The following SCAF4 variants were observed in gnomAD, a reference collection of about 807,000 sequenced individuals.
SCAF4 encodes the protein SR-related and CTD-associated factor 4.
In SCAF4, 25 loss-of-function variants were observed where a neutral mutation model predicts 129.8. That is an observed-to-expected ratio of 0.19 (90% CI 0.14 to 0.27). SCAF4 has a LOEUF of 0.27. Ranked by LOEUF, SCAF4 falls within the 10% of genes least tolerant of loss-of-function variation. The pLI is 1.00. For synonymous variants in SCAF4, 551 were observed against 497.7 expected, an observed-to-expected ratio of 1.11 and a Z score of -1.43; for missense variants, 1,246 against 1,457.1, an observed-to-expected ratio of 0.86 and a Z score of 2.36.
chr21:31,696,137 T>C lies in SCAF4; in HGVS notation c.1044A>G (p.Ile348Met). The change falls in exon 9 of 20, where the codon ATA becomes ATG. Residue 348 changes from isoleucine to methionine, a missense_variant. By Grantham distance (10) the Ile-to-Met change is conservative. Around this residue, in one of 6 missense-constraint regions of SCAF4, gnomAD observed 236 missense variants for 210.0 expected, o/e 1.12. Coordinates refer to ENST00000286835, the MANE Select transcript of SCAF4 (RefSeq NM_020706.2). ...MDQFQPRMMG[I>M]QQDPMHHQVP... ...CCTGATGGTGCATTGGATCCTGTTG[T>C]ATTCCCATCATTCGTGGCTGAAACT... 6.2e-7 allele frequency: 1 copy of C among 1,613,246 alleles called. No homozygotes were observed. Among genetic ancestry groups the C allele is most frequent in the East Asian group, 2.2e-5 (1 of 44,856 alleles).
chr21:31,698,458 A>C (rs1029853096), intron 7 of SCAF4, among the ~76,000 whole-genome samples: 1 of 152,214 alleles, frequency 6.6e-6, no homozygotes, highest in African/African-American at 2.4e-5. Context: ...TGACATAGAA[A>C]TGTACAGAGT....
At chr21:31,681,509 T>TA (rs1289962210) in intron 19 of SCAF4, among the ~76,000 whole-genome samples, 1 of 152,168 alleles carries the variant, frequency 6.6e-6, no homozygotes, top group African/African-American at 2.4e-5. Context: ...CACAAACACT[T>TA]ATACAGTAAA....
chr21:31,693,896 C>G (rs1054048227), intron 11 of SCAF4, among the ~76,000 whole-genome samples: 4 of 152,128 alleles, frequency 2.6e-5, no homozygotes, highest in Admixed American at 2.6e-4. Context: ...GCTGATAAAG[C>G]TGTAATGGAA....
chr21:31,685,942 C>T (rs963399623), intron 16 of SCAF4, among the ~76,000 whole-genome samples: 1 of 152,124 alleles, frequency 6.6e-6, no homozygotes, highest in Non-Finnish European at 1.5e-5. Flanking sequence ...GTGGCTCACA[C>T]CTGTAATCCC....
intron 19 of SCAF4, among the ~76,000 whole-genome samples, chr21:31,676,196 C>T (rs1425638777): frequency 6.6e-6 from 1 of 152,132 alleles, no homozygotes; most frequent in East Asian, 1.9e-4. Context: ...GTCAACAACC[C>T]TATCTTCCAT....
chr21:31,719,307 CAAAAAACAA>C, intron 1 of SCAF4, among the ~76,000 whole-genome samples: 1 of 151,574 alleles, frequency 6.6e-6, no homozygotes, highest in South Asian at 2.1e-4. Context: ...AAACAAAAAA[CAAAAAACAA>C]AAAAAACACA....
intron 1 of SCAF4, among the ~76,000 whole-genome samples, chr21:31,731,216 C>G (rs1375797970): frequency 6.6e-6 from 1 of 152,106 alleles, no homozygotes; most frequent in Non-Finnish European, 1.5e-5. Context: ...CTCCGCCAGC[C>G]CCACGACCGG....
intron 19 of SCAF4, among the ~76,000 whole-genome samples, chr21:31,678,924 G>A (rs1048308847): frequency 6.6e-6 from 1 of 152,076 alleles, no homozygotes; most frequent in Non-Finnish European, 1.5e-5. Context: ...TGTTCATTCT[G>A]GTATTTCTAG....
chr21:31,731,715 C>A lies in SCAF4; in HGVS notation c.-23G>T, dbSNP rs1026278818. 2 of 1,573,998 alleles carry A rather than the reference C, an allele frequency of 1.3e-6. No homozygotes were observed. Among genetic ancestry groups the A allele is most frequent in the African/African-American group, 2.8e-5 (2 of 71,188 alleles). Reference sequence around the variant, plus strand: ...CATGTTCGCGCTGCGGCGGCGGCTGCTCCGGGCCCGCCGGTCACATAGACC... The same window carrying A: ...CATGTTCGCGCTGCGGCGGCGGCTGATCCGGGCCCGCCGGTCACATAGACC... On this transcript the variant is annotated 5_prime_UTR_variant, in exon 1 of 20. Coordinates refer to ENST00000286835, the MANE Select transcript of SCAF4 (RefSeq NM_020706.2).
At chr21:31,680,262 T>A (rs889469686) in intron 19 of SCAF4, among the ~76,000 whole-genome samples, 5 of 152,218 alleles carry the variant, frequency 3.3e-5, no homozygotes, top group Non-Finnish European at 7.3e-5. Context: ...CATGTTTCAT[T>A]TGAAGTGCTT....
chr21:31,692,919 C>CAT (rs2050293926), intron 12 of SCAF4, among the ~76,000 whole-genome samples: 1 of 152,204 alleles, frequency 6.6e-6, no homozygotes, highest in South Asian at 2.1e-4. Flanking sequence ...AGAAATCTTA[C>CAT]ATATGCCCTA....
intron 15 of SCAF4, among the ~76,000 whole-genome samples, chr21:31,690,493 A>T (rs1259639345): frequency 6.6e-6 from 1 of 152,028 alleles, no homozygotes; most frequent in Non-Finnish European, 1.5e-5. Context: ...AAAATAAATA[A>T]AAAAAAACAT....
chr21:31,731,771 C>T lies in SCAF4; in HGVS notation c.-79G>A. ...CCGCGGCGGAGCGGGGCTGGGAAAC[C>T]AGCCGGGCCTGGTGGCCGGGGGGAG... On this transcript the variant is annotated 5_prime_UTR_variant, in exon 1 of 20. Transcript: ENST00000286835. The T allele has an allele frequency of 2.0e-6, 3 of 1,484,444 alleles. No individual in the cohort carries two copies. Among genetic ancestry groups the T allele is most frequent in the Non-Finnish European group, 2.7e-6 (3 of 1,120,570 alleles). The allele number at this position is 1,484,444 out of a possible 1,614,324, so 92.0% of individuals were successfully genotyped here. A position where few individuals can be genotyped will look rare whatever the true frequency, so the allele number is the denominator to read the frequency against.
chr21:31,687,526 C>A (rs2050154636), intron 16 of SCAF4, among the ~76,000 whole-genome samples: 1 of 152,064 alleles, frequency 6.6e-6, no homozygotes, highest in Non-Finnish European at 1.5e-5. Context: ...GGTTGGCTGA[C>A]TAGACAGCAA....
chr21:31,715,359 G>A (rs1005674182), intron 1 of SCAF4, among the ~76,000 whole-genome samples: 9 of 151,814 alleles, frequency 5.9e-5, no homozygotes, highest in African/African-American at 1.9e-4. Flanking sequence ...TAATTAACCC[G>A]TCTCAACATT....
chr21:31,685,902 G>A (rs1401674503), intron 16 of SCAF4, among the ~76,000 whole-genome samples, 169 bp from the exon 17 acceptor site: 1 of 152,114 alleles, frequency 6.6e-6, no homozygotes, highest in Non-Finnish European at 1.5e-5. Flanking sequence ...CATACCAACT[G>A]ATAGAAATCA....
intron 1 of SCAF4, among the ~76,000 whole-genome samples, chr21:31,726,904 T>C (rs1477975696): frequency 6.6e-6 from 1 of 152,210 alleles, no homozygotes; most frequent in Non-Finnish European, 1.5e-5. Flanking sequence ...ATATTGTTTA[T>C]GGACCACAGA....
chr21:31,713,761 G>GT (rs1476455341), intron 1 of SCAF4, among the ~76,000 whole-genome samples: 1 of 146,978 alleles, frequency 6.8e-6, no homozygotes, highest in Non-Finnish European at 1.5e-5. Context: ...TGGGGTGGGG[G>GT]GGGCAGGGAA....
At position 31,671,228 on chromosome 21, in the gene SCAF4, G is replaced by T; in HGVS notation, c.*171C>A. On this transcript the variant is annotated 3_prime_UTR_variant, in exon 20 of 20. Coordinates refer to ENST00000286835, the MANE Select transcript of SCAF4 (RefSeq NM_020706.2). ...TTTATTCATATTTTCAGTATTTTTTGTTATTTTGTGGCTATTTTTAAATAG... is the reference window on the plus strand; with the variant it reads ...TTTATTCATATTTTCAGTATTTTTTTTTATTTTGTGGCTATTTTTAAATAG... 1.8e-6 allele frequency: 1 copy of T among 544,510 alleles called. No homozygotes were observed. Among genetic ancestry groups the T allele is most frequent in the Non-Finnish European group, 3.0e-6 (1 of 333,652 alleles). 33.7% of individuals were successfully genotyped at this position (544,510 alleles called of 1,614,324 possible). A position where few individuals can be genotyped will look rare whatever the true frequency, so the allele number is the denominator to read the frequency against.
Sources: allele counts gnomAD v4.1 joint callset (sites outside exome capture counted in the v4.1 genomes callset), GRCh38; gene constraint gnomAD v4.1.1; regional missense constraint gnomAD v4.1.1; transcripts MANE v1.5; gene names NCBI Gene and HGNC (gene_info 2026-07-23, HGNC 2026-07-21).